The following PCSK5 variants were observed in gnomAD, a reference collection of about 807,000 sequenced individuals.
PCSK5 encodes prohormone convertase 5.
Under a neutral mutation model 233.2 loss-of-function variants are expected in PCSK5, and 129 were observed. The observed-to-expected ratio is 0.55, with a 90% CI of 0.48 to 0.64. The LOEUF (loss-of-function observed/expected upper bound fraction) is 0.64. Ranked by LOEUF, PCSK5 falls within the 30% of genes least tolerant of loss-of-function variation. The pLI is 0.00. For missense variants in PCSK5, 2,076 were observed against 2,430.1 expected, an observed-to-expected ratio of 0.85 and a Z score of 3.06; for synonymous variants, 825 against 879.2, an observed-to-expected ratio of 0.94 and a Z score of 1.09.
At chr9:75,890,447 C>G (rs545164226), upstream of PCSK5, among the ~76,000 whole-genome samples, 2 of 152,218 alleles carry the variant, frequency 1.3e-5, no homozygotes, top group South Asian at 2.1e-4. Flanking sequence ...AGTAAAACCA[C>G]GATCTCGGAG....
chr9:75,925,270 T>G (rs923657033), intron 1 of PCSK5, among the ~76,000 whole-genome samples: 1 of 152,190 alleles, frequency 6.6e-6, no homozygotes, highest in Non-Finnish European at 1.5e-5. Flanking sequence ...AGAGCCTATG[T>G]TACATTATAT....
intron 3 of PCSK5, among the ~76,000 whole-genome samples, chr9:76,022,441 C>T (rs1173466948): frequency 6.6e-6 from 1 of 152,148 alleles, no homozygotes; most frequent in East Asian, 1.9e-4. Context: ...ATATGCTGAA[C>T]TATTTGTTAC....
At chr9:75,992,863 A>G (rs1357028928) in intron 3 of PCSK5, among the ~76,000 whole-genome samples, 1 of 152,190 alleles carries the variant, frequency 6.6e-6, no homozygotes, top group Non-Finnish European at 1.5e-5. Context: ...AAAAAAATTC[A>G]TATTTGTCGA....
chr9:76,350,938 GCTGGGGGT>G lies in PCSK5; in HGVS notation c.5067+12_5067+19del. 4.1e-6 allele frequency: 6 copies of G among 1,449,562 alleles called. No individual in the cohort carries two copies. The highest frequency in any genetic ancestry group is 5.8e-6 in the Non-Finnish European group (6 of 1,037,530). The allele number at this position is 1,449,562 out of a possible 1,614,324, so 89.8% of individuals were successfully genotyped here. ...ATACAGAGTGGGAGAGGTATGGAGG[GCTGGGGGT>G]CCTGGGCCTTCTGCTCTTTCTAGAG... On this transcript the variant is annotated intron_variant, in intron 36 of 37. Coordinates refer to ENST00000674117, the MANE Select transcript of PCSK5 (RefSeq NM_001372043.1).
intron 1 of PCSK5, among the ~76,000 whole-genome samples, chr9:75,894,888 T>A (rs1045583437): frequency 2.0e-5 from 3 of 152,224 alleles, no homozygotes; most frequent in Non-Finnish European, 4.4e-5. Flanking sequence ...ATGTTGTTAA[T>A]TGTGGACCTC....
chr9:76,153,104 ATATCT>A (rs1323060606), intron 10 of PCSK5, among the ~76,000 whole-genome samples: 5 of 152,158 alleles, frequency 3.3e-5, no homozygotes, highest in Non-Finnish European at 7.3e-5. Context: ...ACCTCAACTG[ATATCT>A]TATACCTATC....
chr9:76,359,388 T>C lies in PCSK5; in HGVS notation c.*466T>C, dbSNP rs529857596. The C allele has an allele frequency of 3.1e-3, 502 of 163,432 alleles. 3 individuals carry two copies. The highest frequency in any genetic ancestry group is 0.012 in the African/African-American group (481 of 41,686). 10.1% of individuals were successfully genotyped at this position (163,432 alleles called of 1,614,324 possible). The stretch of plus-strand genomic sequence containing the variant: ...AAAGGAGTTGTTGGTTTGGTGGTGT[T>C]TTTCTTCCCTTTAGCTGTCTTTAGG... On this transcript the variant is annotated 3_prime_UTR_variant, in exon 38 of 38. Transcript: ENST00000674117.
intron 9 of PCSK5, among the ~76,000 whole-genome samples, chr9:76,127,473 G>C (rs1419140398): frequency 1.3e-5 from 2 of 150,314 alleles, no homozygotes; most frequent in African/African-American, 4.9e-5. Flanking sequence ...TCACTCCCCA[G>C]CCAATTAAAT....
chr9:75,976,052 C>CCTTTTAATACATG (rs1414273286), intron 2 of PCSK5, among the ~76,000 whole-genome samples: 1 of 152,068 alleles, frequency 6.6e-6, no homozygotes, highest in Non-Finnish European at 1.5e-5. Flanking sequence ...GAATTTGTTT[C>CCTTTTAATACATG]CTTTTAATAC....
intron 30 of PCSK5, among the ~76,000 whole-genome samples, chr9:76,312,518 A>G (rs1010674248): frequency 6.6e-6 from 1 of 152,038 alleles, no homozygotes; most frequent in African/African-American, 2.4e-5. Flanking sequence ...TCAAAAAAAA[A>G]AAAAAGCAAA....
chr9:76,241,484 G>A (rs1826430294), intron 24 of PCSK5, among the ~76,000 whole-genome samples: 1 of 152,168 alleles, frequency 6.6e-6, no homozygotes, highest in African/African-American at 2.4e-5. Flanking sequence ...GTTGCTTGGA[G>A]CCTAAGACAA....
chr9:76,039,947 C>T (rs911825159), intron 5 of PCSK5, among the ~76,000 whole-genome samples: 3 of 152,212 alleles, frequency 2.0e-5, no homozygotes, highest in Non-Finnish European at 4.4e-5. Flanking sequence ...CGCCTCCAAG[C>T]TCTCTGGGAT....
At position 76,175,174 on chromosome 9, in the gene PCSK5, A is replaced by G. The variant is rs747310342; in HGVS notation, c.1900+45A>G. ...GACACAGGCTAAAAAGAGGCAGCTC[A>G]TGCATCATCCCACCACATGGGAGAA... On this transcript the variant is annotated intron_variant, in intron 14 of 37. Coordinates refer to ENST00000674117, the MANE Select transcript of PCSK5 (RefSeq NM_001372043.1). 3.1e-6 allele frequency: 5 copies of G among 1,594,384 alleles called. No homozygotes were observed. In the South Asian group the frequency reaches 3.3e-5, roughly 11 times the overall value.
intron 5 of PCSK5, among the ~76,000 whole-genome samples, 153 bp downstream of exon 5, chr9:76,027,190 A>T (rs553327698): frequency 1.3e-5 from 2 of 152,246 alleles, no homozygotes; most frequent in East Asian, 3.9e-4. Context: ...GAAGCCTCTG[A>T]GTAAGAAAAA....
intron 35 of PCSK5, among the ~76,000 whole-genome samples, chr9:76,347,920 A>G (rs1373465414): frequency 6.6e-6 from 1 of 152,086 alleles, no homozygotes; most frequent in African/African-American, 2.4e-5. Context: ...TTTATAGGGT[A>G]CAAAGGGATG....
chr9:75,962,069 G>A, intron 2 of PCSK5, among the ~76,000 whole-genome samples: 1 of 152,184 alleles, frequency 6.6e-6, no homozygotes, highest in East Asian at 1.9e-4. Flanking sequence ...TAACCAGCAT[G>A]GATTGGGATT....
chr9:76,252,944 G>T (rs1399628911), intron 24 of PCSK5, among the ~76,000 whole-genome samples: 11 of 152,190 alleles, frequency 7.2e-5, no homozygotes, highest in Non-Finnish European at 2.9e-5. Flanking sequence ...CTTTTACTCA[G>T]ATCTCTCACT....
At chr9:76,258,178 G>T (rs1440415179) in intron 24 of PCSK5, among the ~76,000 whole-genome samples, 2 of 152,108 alleles carry the variant, frequency 1.3e-5, no homozygotes, top group African/African-American at 4.8e-5. Flanking sequence ...GAATAGAAAA[G>T]TTTATCAGTC....
intron 36 of PCSK5, among the ~76,000 whole-genome samples, chr9:76,351,505 AAAG>A (rs1830144086): frequency 3.3e-5 from 4 of 119,418 alleles, no homozygotes; most frequent in African/African-American, 1.2e-4. Flanking sequence ...AGAAAGAAAG[AAAG>A]AAAGAAAGAA....
Sources: allele counts gnomAD v4.1 joint callset (sites outside exome capture counted in the v4.1 genomes callset), GRCh38; gene constraint gnomAD v4.1.1; transcripts MANE v1.5; gene names NCBI Gene and HGNC (gene_info 2026-07-23, HGNC 2026-07-21).